Variants in GRAMD2B observed in about 807,000 individuals in gnomAD.
The protein encoded by GRAMD2B is GRAM domain containing 2B.
A neutral mutation model predicts 59.2 loss-of-function variants in GRAMD2B; 41 were observed. That is an observed-to-expected ratio of 0.69 (90% confidence interval 0.54 to 0.90). The LOEUF (loss-of-function observed/expected upper bound fraction) is 0.90. Among genes scored for constraint, GRAMD2B ranks in the 40% least tolerant of loss-of-function variants. The probability of loss-of-function intolerance (pLI) is 0.00; values close to 1 mark genes in which losing one functional copy is unlikely to be tolerated. For missense variants in GRAMD2B, 424 were observed against 500.5 expected, an observed-to-expected ratio of 0.85 and a Z score of 1.46; for synonymous variants, 161 against 182.7, an observed-to-expected ratio of 0.88 and a Z score of 0.96.
chr5:126,474,046 C>T lies in GRAMD2B; in HGVS notation c.486+678C>T, dbSNP rs113276248. Among the ~76,000 whole-genome samples the T allele has an allele frequency of 2.0e-3, 306 of 152,292 alleles. 1 individual carries two copies. The highest frequency in any genetic ancestry group is 6.8e-3 in the South Asian group (33 of 4,824). On this transcript the variant is annotated intron_variant, in intron 5 of 13. Coordinates refer to ENST00000285689, the MANE Select transcript of GRAMD2B (RefSeq NM_023927.4). ...TGGCACTGCCCTCTAAACTGGGGAC[C>T]GTGGGACTATGGCCTATCAAAGAAA...
At chr5:126,362,645 C>A (rs753171457) in intron 1 of GRAMD2B, among the ~76,000 whole-genome samples, 2 of 152,136 alleles carry the variant, frequency 1.3e-5, no homozygotes, top group Non-Finnish European at 2.9e-5. Context: ...GAATACATTT[C>A]TATGTATATT....
chr5:126,418,270 A>T (rs1177122170), intron 1 of GRAMD2B, among the ~76,000 whole-genome samples: 1 of 152,218 alleles, frequency 6.6e-6, no homozygotes, highest in African/African-American at 2.4e-5. Flanking sequence ...CATATACAAA[A>T]TAGGCATGTA....
upstream of GRAMD2B, among the ~76,000 whole-genome samples, chr5:126,368,733 A>G (rs1333426146): frequency 1.3e-5 from 2 of 152,236 alleles, no homozygotes; most frequent in Admixed American, 1.3e-4. Flanking sequence ...AGACTTTCAG[A>G]AAATCTCACC....
chr5:126,488,643 C>T (rs1037763691), intron 12 of GRAMD2B, among the ~76,000 whole-genome samples, 156 bp from the exon 13 acceptor site: 6 of 152,186 alleles, frequency 3.9e-5, no homozygotes, highest in Non-Finnish European at 5.9e-5. Flanking sequence ...CCTGGAGTTG[C>T]GGATTACTGC....
At chr5:126,429,719 A>T (rs1761253372) in intron 1 of GRAMD2B, among the ~76,000 whole-genome samples, 1 of 152,192 alleles carries the variant, frequency 6.6e-6, no homozygotes, top group Non-Finnish European at 1.5e-5. Flanking sequence ...AAGAGGTCAA[A>T]TGCTTACAGT....
chr5:126,477,536 C>T (rs1770852540), intron 5 of GRAMD2B, among the ~76,000 whole-genome samples, 156 bp from the exon 6 acceptor site: 1 of 152,118 alleles, frequency 6.6e-6, no homozygotes, highest in Non-Finnish European at 1.5e-5. Flanking sequence ...ACATCCCTGC[C>T]ACTCTGTAAG....
intron 12 of GRAMD2B, 92 bp from the exon 13 acceptor site, chr5:126,488,707 C>G (rs1248411326): frequency 1.2e-6 from 1 of 858,912 alleles, no homozygotes; most frequent in Non-Finnish European, 1.9e-6. Context: ...TATTATAAAC[C>G]AATTTTCTGT....
At chr5:126,408,878 C>CCCTT (rs1758504793) in intron 1 of GRAMD2B, among the ~76,000 whole-genome samples, 1 of 136,230 alleles carries the variant, frequency 7.3e-6, no homozygotes, top group Non-Finnish European at 1.5e-5. Flanking sequence ...TGTGATGTTC[C>CCCTT]CCTTCCTGTG....
At chr5:126,385,897 T>G (rs1371343673) in intron 1 of GRAMD2B, among the ~76,000 whole-genome samples, 1 of 151,964 alleles carries the variant, frequency 6.6e-6, no homozygotes, top group Admixed American at 6.6e-5. Context: ...TAGAATCCCA[T>G]TTGTAGAAAT....
intron 1 of GRAMD2B, among the ~76,000 whole-genome samples, chr5:126,438,023 T>C (rs1290236210): frequency 6.6e-6 from 1 of 152,220 alleles, no homozygotes; most frequent in Non-Finnish European, 1.5e-5. Context: ...CACGTCCCCA[T>C]GTCTGCCTGT....
chr5:126,457,119 G>C lies in GRAMD2B; in HGVS notation c.84-8307G>C, dbSNP rs1581113008. Among the ~76,000 whole-genome samples, 3 of 137,020 alleles carry C rather than the reference G, an allele frequency of 2.2e-5. No individual in the cohort carries two copies. In the Admixed American group the frequency reaches 2.7e-4, roughly 12 times the overall value. 89.9% of individuals were successfully genotyped at this position (137,020 alleles called of 152,430 possible). ...AGGCGAGAGAATGGCATGAATGTGGGAGGTGGAGCTTGCAGTGAGCCAAGA... is the reference window on the plus strand; with the variant it reads ...AGGCGAGAGAATGGCATGAATGTGGCAGGTGGAGCTTGCAGTGAGCCAAGA... On this transcript the variant is annotated intron_variant, in intron 1 of 13. Coordinates refer to ENST00000285689, the MANE Select transcript of GRAMD2B (RefSeq NM_023927.4).
At chr5:126,481,986 AGG>A (rs753323759) in intron 8 of GRAMD2B, among the ~76,000 whole-genome samples, 8 of 72,156 alleles carry the variant, frequency 1.1e-4, no homozygotes, top group Admixed American at 4.9e-4. Context: ...AAAAAAAAAA[AGG>A]GGAGATGAAG....
upstream of GRAMD2B, among the ~76,000 whole-genome samples, chr5:126,422,184 G>A (rs1323208682): frequency 6.8e-6 from 1 of 147,194 alleles, no homozygotes; most frequent in African/African-American, 2.5e-5. Context: ...ATAACATGGT[G>A]ACATTTATGC....
At chr5:126,482,920 T>C (rs750239847) in intron 8 of GRAMD2B, among the ~76,000 whole-genome samples, 45 of 152,228 alleles carry the variant, frequency 3.0e-4, no homozygotes, top group Non-Finnish European at 6.5e-4. Context: ...AAAATTTAAA[T>C]GTACTATCAC....
At chr5:126,360,219 C>A (rs1754157901) in exon 1 of GRAMD2B, 3 of 1,290,516 alleles carry the variant, frequency 2.3e-6, no homozygotes, top group East Asian at 2.6e-5. Context: ...CACTTGTGAG[C>A]GAAAAGCACA....
At chr5:126,399,197 A>C (rs935096517) in intron 1 of GRAMD2B, among the ~76,000 whole-genome samples, 1 of 152,160 alleles carries the variant, frequency 6.6e-6, no homozygotes, top group Non-Finnish European at 1.5e-5. Flanking sequence ...TGGGGTATTG[A>C]GGTATCCTAC....
chr5:126,361,119 T>G (rs1754198681), intron 1 of GRAMD2B, among the ~76,000 whole-genome samples: 1 of 152,238 alleles, frequency 6.6e-6, no homozygotes, highest in Admixed American at 6.5e-5. Flanking sequence ...AAAATTCCTC[T>G]ATTATTCTGA....
chr5:126,395,959 G>C (rs1037388234), intron 1 of GRAMD2B, among the ~76,000 whole-genome samples: 3 of 152,174 alleles, frequency 2.0e-5, no homozygotes, highest in Non-Finnish European at 4.4e-5. Flanking sequence ...TTGTGGGTGT[G>C]TGATAAGAAC....
chr5:126,477,562 T>C (rs1451227300), intron 5 of GRAMD2B, 130 bp from the exon 6 acceptor site: 1 of 689,016 alleles, frequency 1.5e-6, no homozygotes, highest in Non-Finnish European at 2.6e-6. Flanking sequence ...CTTTTTTTCA[T>C]GGAGGCTGGA....
Sources: allele counts gnomAD v4.1 joint callset (sites outside exome capture counted in the v4.1 genomes callset), GRCh38; gene constraint gnomAD v4.1.1; transcripts MANE v1.5; gene names NCBI Gene and HGNC (gene_info 2026-07-23, HGNC 2026-07-21).